The following CIT variants were observed in gnomAD, a reference collection of about 807,000 sequenced individuals.
CIT encodes the protein citron rho-interacting serine/threonine kinase.
In CIT, 79 loss-of-function variants were observed where a neutral mutation model predicts 272.7. The observed-to-expected ratio is 0.29, with a 90% CI of 0.24 to 0.35. The LOEUF (loss-of-function observed/expected upper bound fraction) is 0.35, where lower values mean the gene tolerates loss of function less well. Ranked by LOEUF, CIT falls within the 10% of genes least tolerant of loss-of-function variation. The pLI is 1.00. For missense variants in CIT, 1,909 were observed against 2,618.3 expected (o/e 0.73, Z 5.91); for synonymous variants, 948 against 995.6 (o/e 0.95, Z 0.90).
At chr12:119,750,986 A>G (rs923826814) in intron 23 of CIT, among the ~76,000 whole-genome samples, 2 of 152,060 alleles carry the variant, frequency 1.3e-5, no homozygotes, top group Non-Finnish European at 2.9e-5. Flanking sequence ...TTAAAAAAAC[A>G]CTAAACCCAA....
At chr12:119,723,089 C>A (rs938644167) in intron 28 of CIT, among the ~76,000 whole-genome samples, 4 of 151,226 alleles carry the variant, frequency 2.6e-5, no homozygotes, top group African/African-American at 7.3e-5. Flanking sequence ...AAAAAAAAAT[C>A]ATTTGGCCCG....
At chr12:119,719,089 A>G in intron 30 of CIT, 2 of 498,546 alleles carry the variant, frequency 4.0e-6, no homozygotes, top group South Asian at 4.5e-5. Context: ...AGAGGATTAA[A>G]GATGCTTGAA....
In CIT at chr12:119,877,259, C is replaced by G. The variant is rs1950884313; in HGVS notation, c.-24G>C. ...GGGGATCAGACTCACGCTCTGCGAA[C>G]CCCCAGGTCTGCGATCTGTTCCGCC... On this transcript the variant is annotated 5_prime_UTR_variant, in exon 1 of 48. Coordinates refer to ENST00000392521, the MANE Select transcript of CIT (RefSeq NM_001206999.2). The G allele has an allele frequency of 6.6e-6, 1 of 151,810 alleles. No homozygotes were observed. The highest frequency in any genetic ancestry group is 1.5e-5 in the Non-Finnish European group (1 of 67,796). The allele number at this position is 151,810 out of a possible 1,614,324, so 9.4% of individuals were successfully genotyped here. A position where few individuals can be genotyped will look rare whatever the true frequency, so the allele number is the denominator to read the frequency against.
chr12:119,771,067 T>A (rs762238249), intron 17 of CIT, among the ~76,000 whole-genome samples, 157 bp from the exon 18 acceptor site: 3 of 152,178 alleles, frequency 2.0e-5, no homozygotes, highest in Non-Finnish European at 4.4e-5. Flanking sequence ...GATTCTATAA[T>A]CTAGGTACTC....
chr12:119,708,186 GC>G lies in CIT; in HGVS notation c.5203del (p.Ala1735GlnfsTer36). 6.3e-7 allele frequency: 1 copy of G among 1,580,840 alleles called. No individual in the cohort carries two copies. Among genetic ancestry groups the G allele is most frequent in the Non-Finnish European group, 8.6e-7 (1 of 1,163,586 alleles). On this transcript the variant is annotated frameshift_variant, in exon 40 of 48. Coordinates refer to ENST00000392521, the MANE Select transcript of CIT (RefSeq NM_001206999.2). LOFTEE classifies it high-confidence loss of function. ...EAVKGCHLFG[A>X]GKIENGLCIC... ...ACTCTGAGGGGAGCTTACCTTGCCT[GC>G]CCCAAACAAGTGGCAGCCCTTGACA... is the stretch of plus-strand genomic sequence containing the variant.
intron 16 of CIT, among the ~76,000 whole-genome samples, chr12:119,774,558 ATGTGTGTGTG>A (rs3999585): frequency 1.0e-4 from 15 of 150,552 alleles, no homozygotes; most frequent in South Asian, 2.1e-4. Context: ...CACAATGTAT[ATGTGTGTGTG>A]TGTGTGTGTG....
At chr12:119,840,215 G>C (rs184476850) in intron 5 of CIT, among the ~76,000 whole-genome samples, 1 of 152,326 alleles carries the variant, frequency 6.6e-6, no homozygotes, top group Non-Finnish European at 1.5e-5. Context: ...CTACTCAGGA[G>C]GGTGAGGTGG....
chr12:119,803,312 C>T lies in CIT; in HGVS notation c.1189G>A (p.Val397Ile). ...CTCAGCTGGCACGGAGAGGATGAAA[C>T]CCACGAATTCTTCTCTGGTTCATCA... is the stretch of plus-strand genomic sequence containing the variant. Reference protein sequence around the residue: ...NFDEPEKNSWVSSSPCQLSPS... With the variant: ...NFDEPEKNSWISSSPCQLSPS... The change falls in exon 10 of 48, where the codon GTT (valine) becomes ATT (isoleucine). Residue 397 changes from valine (V) to isoleucine (I), a missense_variant. This residue lies in a region of CIT where 529 missense variants were observed against 549.6 expected (regional missense o/e 0.96). Transcript: ENST00000392521. 1 of 1,609,092 alleles carries T rather than the reference C, an allele frequency of 6.2e-7. No individual in the cohort carries two copies. Among genetic ancestry groups the T allele is most frequent in the Non-Finnish European group, 8.5e-7 (1 of 1,177,736 alleles).
chr12:119,767,025 A>C, intron 19 of CIT, 62 bp downstream of exon 19: 106 of 1,199,116 alleles, frequency 8.8e-5, no homozygotes, highest in Non-Finnish European at 1.1e-4. Flanking sequence ...GGGCCCAGGA[A>C]GAGATGGGAG....
chr12:119,730,576 C>T lies in CIT; in HGVS notation c.3405G>A (p.Val1135=). 4 of 1,614,162 alleles carry T rather than the reference C, an allele frequency of 2.5e-6. No homozygotes were observed. Among genetic ancestry groups the T allele is most frequent in the Non-Finnish European group, 3.4e-6 (4 of 1,180,010 alleles). The part of the protein sequence containing the change: ...TESRQVVELA[V]KEHKAEILAL... Reference sequence around the variant, plus strand: ...CGAGAATCTCAGCCTTGTGCTCCTTCACTGCCAGCTCCACCACCTGGCGAG... The same window carrying T: ...CGAGAATCTCAGCCTTGTGCTCCTTTACTGCCAGCTCCACCACCTGGCGAG... The change falls in exon 27 of 48, where the codon GTG becomes GTA. Residue 1135 remains valine, a synonymous_variant. Transcript: ENST00000392521.
intron 9 of CIT, among the ~76,000 whole-genome samples, chr12:119,820,494 G>C (rs1159366141): frequency 1.3e-5 from 2 of 152,126 alleles, no homozygotes; most frequent in African/African-American, 4.8e-5. Flanking sequence ...AGGTTGCAGT[G>C]AGCCGAGATC....
At chr12:119,866,083 C>T (rs1473743276) in intron 3 of CIT, among the ~76,000 whole-genome samples, 9 of 151,956 alleles carry the variant, frequency 5.9e-5, no homozygotes, top group Admixed American at 3.3e-4. Flanking sequence ...CCAACAAAAC[C>T]GATCACAACA....
chr12:119,758,534 C>T, intron 21 of CIT, 57 bp downstream of exon 21: 1 of 1,099,456 alleles, frequency 9.1e-7, no homozygotes, highest in Non-Finnish European at 1.4e-6. Context: ...GAGTTTATGC[C>T]ACAGGAGAGG....
intron 40 of CIT, among the ~76,000 whole-genome samples, chr12:119,707,678 T>A (rs570192879): frequency 6.6e-6 from 1 of 152,042 alleles, no homozygotes; most frequent in Non-Finnish European, 1.5e-5. Flanking sequence ...ATTTTTGTAT[T>A]TTTAGTAGAG....
intron 3 of CIT, among the ~76,000 whole-genome samples, chr12:119,865,612 G>A (rs1950491149): frequency 6.6e-6 from 1 of 152,204 alleles, no homozygotes. Flanking sequence ...GCTCATGCCT[G>A]TAATTCCAGC....
At chr12:119,698,140 A>T in intron 44 of CIT, 86 bp from the exon 45 acceptor site, 1 of 1,201,986 alleles carries the variant, frequency 8.3e-7, no homozygotes, top group Non-Finnish European at 1.2e-6. Context: ...GCATTCTTTG[A>T]CCCAGCAATC....
intron 9 of CIT, among the ~76,000 whole-genome samples, chr12:119,820,657 C>T (rs550678843): frequency 6.6e-6 from 1 of 151,948 alleles, no homozygotes; most frequent in African/African-American, 2.4e-5. Context: ...AAATCTAATA[C>T]TATTCCAAAA....
chr12:119,782,324 A>T, intron 13 of CIT, 194 bp downstream of exon 13: 1 of 502,620 alleles, frequency 2.0e-6, no homozygotes, highest in East Asian at 3.3e-5. Flanking sequence ...AGCTGGAACA[A>T]GCATTCTATG....
In CIT at chr12:119,710,722, AT is replaced by A. The variant is rs1303336108; in HGVS notation, c.4855-103del. The A allele has an allele frequency of 8.2e-6, 9 of 1,101,996 alleles. No individual in the cohort carries two copies. Among genetic ancestry groups the A allele is most frequent in the African/African-American group, 3.1e-5 (2 of 64,502 alleles). 68.3% of individuals were successfully genotyped at this position (1,101,996 alleles called of 1,614,324 possible). A position where few individuals can be genotyped will look rare whatever the true frequency, so the allele number is the denominator to read the frequency against. ...ACCAAGAGAAGGTTAAGGCCAAGTT[AT>A]TCCTGGAAATGCTCAGAAACGCACA... On this transcript the variant is annotated intron_variant, in intron 37 of 47. Transcript: ENST00000392521. The surrounding 1 kb of genome is among the most constrained non-coding windows in gnomAD (Gnocchi z 5.6).
Sources: allele counts gnomAD v4.1 joint callset (sites outside exome capture counted in the v4.1 genomes callset), GRCh38; gene constraint gnomAD v4.1.1; regional missense constraint gnomAD v4.1.1; non-coding constraint Gnocchi (gnomAD v3.1); transcripts MANE v1.5; gene names NCBI Gene and HGNC (gene_info 2026-07-23, HGNC 2026-07-21).